Variants in ALK observed in about 807,000 individuals in gnomAD.
ALK encodes ALK tyrosine kinase receptor.
A neutral mutation model predicts 163.1 loss-of-function variants in ALK; 74 were observed. The observed-to-expected ratio is 0.45, with a 90% CI of 0.38 to 0.55. The LOEUF is 0.55. Ranked by LOEUF, ALK falls within the 20% of genes least tolerant of loss-of-function variation. The pLI, the probability that ALK is intolerant of heterozygous loss-of-function variation, is 0.00. For missense variants in ALK, 2,063 were observed against 2,105.3 expected (o/e 0.98, Z 0.39); for synonymous variants, 960 against 843.2 (o/e 1.14, Z -2.40).
intron 3 of ALK, among the ~76,000 whole-genome samples, chr2:29,567,630 C>G (rs910453940): frequency 6.6e-6 from 1 of 152,094 alleles, no homozygotes; most frequent in South Asian, 2.1e-4. Flanking sequence ...CATGCTTGCT[C>G]CTTTTGGGGT....
intron 8 of ALK, among the ~76,000 whole-genome samples, chr2:29,316,956 T>G (rs1460206044): frequency 6.6e-6 from 1 of 152,188 alleles, no homozygotes; most frequent in Non-Finnish European, 1.5e-5. Context: ...CAAAGTCCCA[T>G]TTGCTTGCCA....
At chr2:29,749,286 T>C (rs1016289135) in intron 1 of ALK, among the ~76,000 whole-genome samples, 2 of 152,168 alleles carry the variant, frequency 1.3e-5, no homozygotes, top group African/African-American at 2.4e-5. Flanking sequence ...TTGGAGGTCA[T>C]GCTCTGAGAA....
chr2:29,272,029 G>A (rs531713105), intron 11 of ALK, among the ~76,000 whole-genome samples: 2 of 152,186 alleles, frequency 1.3e-5, no homozygotes, highest in African/African-American at 4.8e-5. Flanking sequence ...GCCCTGGGGG[G>A]CCTGCTTGTC....
In ALK at chr2:29,275,473, C is replaced by T; in HGVS notation, c.1841G>A (p.Trp614Ter). Residue 614 changes from tryptophan to a stop codon, truncating the protein, a stop_gained, in exon 10 of 29, where the codon TGG becomes TAG. Coordinates refer to ENST00000389048, the MANE Select transcript of ALK (RefSeq NM_004304.5). LOFTEE classifies it high-confidence loss of function. Reference sequence around the variant, plus strand: ...GATGGCTCTGGATCCTTGTCCCCACCATGCGACCATCTGCAGCCAGAACCT... The same window carrying T: ...GATGGCTCTGGATCCTTGTCCCCACTATGCGACCATCTGCAGCCAGAACCT... ...SDRFWLQMVA[W>*]WGQGSRAIVA... 1 of 1,614,136 alleles carries T rather than the reference C, an allele frequency of 6.2e-7. No individual in the cohort carries two copies. Among genetic ancestry groups the T allele is most frequent in the Non-Finnish European group, 8.5e-7 (1 of 1,180,016 alleles).
chr2:29,755,624 G>A (rs1680499543), intron 1 of ALK, among the ~76,000 whole-genome samples: 1 of 152,174 alleles, frequency 6.6e-6, no homozygotes, highest in Non-Finnish European at 1.5e-5. Context: ...CCCTGCATGT[G>A]CCAGGCAACA....
In ALK at chr2:29,571,882, G is replaced by T. The variant is rs139793181; in HGVS notation, c.953-39766C>A. Among the ~76,000 whole-genome samples, 612 of 152,168 alleles carry T rather than the reference G, an allele frequency of 4.0e-3. 6 individuals carry two copies. The highest frequency in any genetic ancestry group is 0.014 in the African/African-American group (583 of 41,516). ...ACCTGCCTCGGCCTCCCAAAGTGCT[G>T]GGATTACAGGTGTGAACTAGAGCAC... is the stretch of plus-strand genomic sequence containing the variant. On this transcript the variant is annotated intron_variant, in intron 3 of 28. Coordinates refer to ENST00000389048, the MANE Select transcript of ALK (RefSeq NM_004304.5).
intron 4 of ALK, among the ~76,000 whole-genome samples, chr2:29,516,771 GGCATTTAGAACAATGTCCA>G (rs1429634434): frequency 1.6e-4 from 25 of 152,222 alleles, no homozygotes; most frequent in Admixed American, 2.0e-4. Flanking sequence ...GATAGGTAAA[GGCATTTAGAACAATGTCCA>G]GCATATAGTA....
intron 5 of ALK, among the ~76,000 whole-genome samples, chr2:29,351,375 A>G (rs955341170): frequency 8.5e-5 from 13 of 152,308 alleles, no homozygotes; most frequent in African/African-American, 3.1e-4. Flanking sequence ...ACAGGTCAGC[A>G]GGGATCACCC....
At chr2:29,516,476 C>T (rs755433356) in intron 4 of ALK, among the ~76,000 whole-genome samples, 8 of 152,098 alleles carry the variant, frequency 5.3e-5, no homozygotes, top group African/African-American at 1.7e-4. Flanking sequence ...TGGTACATGT[C>T]GGGGAGATGG....
chr2:29,905,612 G>GAGGAAGGA (rs962404960), intron 1 of ALK, among the ~76,000 whole-genome samples: 5 of 150,750 alleles, frequency 3.3e-5, no homozygotes, highest in Non-Finnish European at 7.4e-5. Flanking sequence ...AGAAGGAAGG[G>GAGGAAGGA]AGGAAGGAAG....
intron 1 of ALK, among the ~76,000 whole-genome samples, chr2:29,785,167 C>A (rs1367594257): frequency 6.6e-6 from 1 of 152,070 alleles, no homozygotes; most frequent in Non-Finnish European, 1.5e-5. Context: ...CCCCTACCTG[C>A]CTCTAAGCAC....
intron 4 of ALK, among the ~76,000 whole-genome samples, chr2:29,437,613 T>C (rs6547926): frequency 0.44 from 66,887 of 152,092 alleles, 15,095 homozygotes; most frequent in East Asian, 0.71. Flanking sequence ...TTCTTCTCAA[T>C]GGAGGTTTAT....
chr2:29,670,844 T>A (rs1156746601), intron 3 of ALK, among the ~76,000 whole-genome samples: 1 of 152,108 alleles, frequency 6.6e-6, no homozygotes, highest in Non-Finnish European at 1.5e-5. Context: ...GTTTCCGTTT[T>A]ATTTTTAAAA....
intron 4 of ALK, among the ~76,000 whole-genome samples, chr2:29,422,929 T>C (rs959373511): frequency 1.9e-4 from 28 of 149,108 alleles, no homozygotes; most frequent in African/African-American, 5.0e-4. Context: ...TTTTTTTTTT[T>C]CCCAGCATCA....
rs200662898 is a variant in ALK at position 29,921,198 on chromosome 2, C to T, written c.-539G>A. 197 of 234,456 alleles carry T rather than the reference C, an allele frequency of 8.4e-4. 1 individual carries two copies. The highest frequency in any genetic ancestry group is 7.7e-3 in the East Asian group (127 of 16,586). 14.5% of individuals were successfully genotyped at this position (234,456 alleles called of 1,614,324 possible). ...TCTTCTGCCCGGTCTGGGCGGGAAC[C>T]GAGGGCGGAGGCTGCCGTCTTGCGC... On this transcript the variant is annotated 5_prime_UTR_variant, in exon 1 of 29. Coordinates refer to ENST00000389048, the MANE Select transcript of ALK (RefSeq NM_004304.5).
rs1415825726 is a variant in ALK, at chr2:29,580,927, T to C, written c.953-48811A>G. On this transcript the variant is annotated intron_variant, in intron 3 of 28. Coordinates refer to ENST00000389048, the MANE Select transcript of ALK (RefSeq NM_004304.5). Reference sequence around the variant, plus strand: ...TATGTCTCAGGCAGGCAGAAAGAAGTGTTGAGGGCTAGGAAGCAAGGATGA... The same window carrying C: ...TATGTCTCAGGCAGGCAGAAAGAAGCGTTGAGGGCTAGGAAGCAAGGATGA... Among the ~76,000 whole-genome samples the C allele has an allele frequency of 2.0e-5, 3 of 152,022 alleles. No individual in the cohort carries two copies. The East Asian group carries it at 5.8e-4, about 29-fold the overall frequency.
At chr2:29,575,890 G>T (rs999058677) in intron 3 of ALK, among the ~76,000 whole-genome samples, 3 of 152,290 alleles carry the variant, frequency 2.0e-5, no homozygotes, top group Non-Finnish European at 4.4e-5. Context: ...TGCAGCAGGG[G>T]TGTGGCTGAT....
intron 4 of ALK, among the ~76,000 whole-genome samples, chr2:29,424,347 A>C (rs1420165422): frequency 6.6e-6 from 1 of 152,360 alleles, no homozygotes; most frequent in Admixed American, 6.5e-5. Context: ...GCACAAAAGA[A>C]TACTACTATA....
In ALK at chr2:29,237,637, A is replaced by G. The variant is rs1457452517; in HGVS notation, c.2355+2043T>C. On this transcript the variant is annotated intron_variant, in intron 13 of 28. Coordinates refer to ENST00000389048, the MANE Select transcript of ALK (RefSeq NM_004304.5). ...TCCTGTAACAGGGATGGCATTAAGT[A>G]GGTACTCAATAAATATTGGTTAAAT... 2.0e-5 allele frequency among the ~76,000 whole-genome samples: 3 copies of G among 152,220 alleles called. No individual in the cohort carries two copies. The South Asian group carries it at 6.2e-4, about 32-fold the overall frequency.
Sources: allele counts gnomAD v4.1 joint callset (sites outside exome capture counted in the v4.1 genomes callset), GRCh38; gene constraint gnomAD v4.1.1; transcripts MANE v1.5; gene names NCBI Gene and HGNC (gene_info 2026-07-23, HGNC 2026-07-21).